LINC01488: variants seen among roughly 807,000 people sequenced by gnomAD.
LINC01488 encodes the protein long independently transcribed non-coding RNA 1488, also known as CCND1-upstream intergenic DNA repair 1.
At chr11:69,489,111 G>A (rs1297011526) in intron 1 of LINC01488, among the ~76,000 whole-genome samples, 1 of 152,178 alleles carries the variant, frequency 6.6e-6, no homozygotes. Flanking sequence ...CACGGCTGTG[G>A]CCCCCAAACG....
chr11:69,493,018 C>T (rs1857248673), exon 4 of LINC01488: 1 of 152,268 alleles, frequency 6.6e-6, no homozygotes, highest in East Asian at 1.9e-4. Context: ...ACAGACAGCA[C>T]CTTGGACCCA....
intron 1 of LINC01488, among the ~76,000 whole-genome samples, chr11:69,488,742 A>G (rs1857166178): frequency 1.3e-5 from 2 of 152,180 alleles, no homozygotes; most frequent in South Asian, 4.1e-4. Context: ...CCAGTCTGAG[A>G]ACACAATGGC....
intron 1 of LINC01488, among the ~76,000 whole-genome samples, chr11:69,490,277 G>C (rs1487465312): frequency 6.6e-6 from 1 of 152,194 alleles, no homozygotes; most frequent in East Asian, 1.9e-4. Context: ...GTAGGGTAGA[G>C]CGGTAAGGCT....
intron 1 of LINC01488, among the ~76,000 whole-genome samples, chr11:69,489,962 C>G (rs1445265253): frequency 1.3e-5 from 2 of 152,200 alleles, no homozygotes; most frequent in Non-Finnish European, 2.9e-5. Context: ...CCAGCCAGGA[C>G]CTCATGCACC....
chr11:69,489,607 C>A (rs1000798950), intron 1 of LINC01488, among the ~76,000 whole-genome samples: 1 of 152,238 alleles, frequency 6.6e-6, no homozygotes, highest in Non-Finnish European at 1.5e-5. Context: ...CTGCTGCAGG[C>A]GGGCTGCGGA....
chr11:69,484,814 C>T (rs1223983740), intron 1 of LINC01488, among the ~76,000 whole-genome samples: 1 of 152,254 alleles, frequency 6.6e-6, no homozygotes, highest in Non-Finnish European at 1.5e-5. Flanking sequence ...CCTGCTGGGT[C>T]AAACCCTGGG....
At chr11:69,481,940 T>C (rs1024967991) in intron 1 of LINC01488, among the ~76,000 whole-genome samples, 34 of 151,562 alleles carry the variant, frequency 2.2e-4, no homozygotes, top group African/African-American at 7.0e-4. Flanking sequence ...GATGGATGGA[T>C]AGATGAGTAG....
intron 1 of LINC01488, among the ~76,000 whole-genome samples, chr11:69,487,107 C>T (rs1405635342): frequency 6.6e-6 from 1 of 152,236 alleles, no homozygotes; most frequent in East Asian, 1.9e-4. Flanking sequence ...CCGCCTCCCG[C>T]AGGCGGAGTA....
intron 2 of LINC01488, chr11:69,491,025 AG>A (rs1857210630): frequency 6.6e-6 from 1 of 151,986 alleles, no homozygotes; most frequent in Admixed American, 6.6e-5. Flanking sequence ...ACTTTTTCTG[AG>A]GGCCTGCTGT....
intron 1 of LINC01488, chr11:69,486,109 G>A (rs1857111290): frequency 6.6e-6 from 1 of 152,250 alleles, no homozygotes; most frequent in Non-Finnish European, 1.5e-5. Context: ...TGCAGCCCGG[G>A]ACCTCCCAGG....
chr11:69,483,817 CG>C (rs1590868036), intron 1 of LINC01488, among the ~76,000 whole-genome samples: 1 of 151,774 alleles, frequency 6.6e-6, no homozygotes, highest in East Asian at 1.9e-4. Context: ...AACCAAGGCC[CG>C]GGCCGGCCCG....
At chr11:69,484,590 C>T (rs926392533) in intron 1 of LINC01488, among the ~76,000 whole-genome samples, 3 of 152,312 alleles carry the variant, frequency 2.0e-5, no homozygotes, top group African/African-American at 7.2e-5. Context: ...TAGTGTGAAA[C>T]GGGAATGTTT....
intron 1 of LINC01488, chr11:69,486,162 A>T (rs892894167): frequency 6.6e-6 from 1 of 152,190 alleles, no homozygotes; most frequent in African/African-American, 2.4e-5. Context: ...TTTCCATGAT[A>T]ACTGTGGGTC....
rs141198649 is a variant in LINC01488, at chr11:69,483,154, AC to A, written n.122+1374del. Among the ~76,000 whole-genome samples, 540 of 152,256 alleles carry A rather than the reference AC, an allele frequency of 3.5e-3. 3 individuals carry two copies. Among genetic ancestry groups the A allele is most frequent in the African/African-American group, 0.012 (495 of 41,538 alleles). ...GACTTCCCAGAGTCCCAGCAATGCTACCCAGAGCAGGTCTGTGCAAGGGAGG... is the reference window on the plus strand; with the variant it reads ...GACTTCCCAGAGTCCCAGCAATGCTACCAGAGCAGGTCTGTGCAAGGGAGG... On this transcript the variant is annotated intron_variant and non_coding_transcript_variant, in intron 1 of 3. Coordinates refer to ENST00000644563, the Ensembl canonical transcript of LINC01488.
chr11:69,492,921 A>C (rs1018729412), exon 4 of LINC01488: 2 of 152,244 alleles, frequency 1.3e-5, no homozygotes, highest in African/African-American at 4.8e-5. Context: ...TCCCAGGCTG[A>C]AAAAAGAGAA....
At chr11:69,484,173 C>T (rs567959824) in intron 1 of LINC01488, among the ~76,000 whole-genome samples, 3 of 152,282 alleles carry the variant, frequency 2.0e-5, no homozygotes, top group Admixed American at 6.5e-5. Flanking sequence ...TCTGCAGCTT[C>T]GAGATAGAGA....
Position 69,483,733 on chromosome 11 carries a change from C to T in LINC01488, n.122+1950C>T, listed in dbSNP as rs138675930. On this transcript the variant is annotated intron_variant and non_coding_transcript_variant, in intron 1 of 3. Coordinates refer to ENST00000644563, the Ensembl canonical transcript of LINC01488. ...TATGCATATGAGAGAGAAATGCAGG[C>T]GTGATGGTCTGCAATTGTCCCTTTT... Among the ~76,000 whole-genome samples, 138 of 152,258 alleles carry T rather than the reference C, an allele frequency of 9.1e-4. 1 individual carries two copies. The highest frequency in any genetic ancestry group is 2.2e-3 in the Admixed American group (33 of 15,308).
In LINC01488 at chr11:69,490,224, C is replaced by A. The variant is rs149231001; in HGVS notation, n.123-271C>A. 3.4e-3 allele frequency among the ~76,000 whole-genome samples: 516 copies of A among 152,340 alleles called. 3 individuals carry two copies. The highest frequency in any genetic ancestry group is 0.012 in the African/African-American group (491 of 41,572). ...GGGCAAGAGGCCCATCCCTAGTCAG[C>A]CCTGTTCCGCCGAATGGGCTTTTGT... On this transcript the variant is annotated intron_variant and non_coding_transcript_variant, in intron 1 of 3. Transcript: ENST00000644563.
intron 1 of LINC01488, among the ~76,000 whole-genome samples, chr11:69,482,132 G>A (rs1183512468): frequency 6.6e-6 from 1 of 152,184 alleles, no homozygotes; most frequent in African/African-American, 2.4e-5. Flanking sequence ...AGTTCCACAT[G>A]GCTGGGGAGG....
Sources: allele counts gnomAD v4.1 joint callset (sites outside exome capture counted in the v4.1 genomes callset), GRCh38; gene constraint gnomAD v4.1.1; transcripts MANE v1.5; gene names NCBI Gene and HGNC (gene_info 2026-07-23, HGNC 2026-07-21).